Variants in PRUNE2 observed in about 807,000 individuals in gnomAD.
The protein encoded by PRUNE2 is prune homolog 2 with BCH domain.
Under a neutral mutation model 252.0 loss-of-function variants are expected in PRUNE2, and 164 were observed. That is an observed-to-expected ratio of 0.65 (90% CI 0.57 to 0.74). PRUNE2 has a LOEUF of 0.74. Among genes scored for constraint, PRUNE2 ranks in the 30% least tolerant of loss-of-function variants. The pLI is 0.00. For synonymous variants in PRUNE2, 1,292 were observed against 1,350.2 expected (o/e 0.96, Z 0.94); for missense variants, 3,495 against 3,711.0 (o/e 0.94, Z 1.51).
At chr9:76,631,787 A>G (rs1370670591) in intron 15 of PRUNE2, among the ~76,000 whole-genome samples, 1 of 152,204 alleles carries the variant, frequency 6.6e-6, no homozygotes, top group Non-Finnish European at 1.5e-5. Flanking sequence ...TGAGCATAGT[A>G]CCTGATAGGT....
chr9:76,787,763 G>T (rs1379411487), intron 6 of PRUNE2, among the ~76,000 whole-genome samples: 1 of 152,174 alleles, frequency 6.6e-6, no homozygotes, highest in Non-Finnish European at 1.5e-5. Flanking sequence ...CCTCCACGAT[G>T]CTTTCATGGT....
At chr9:76,660,988 A>C (rs1190433612) in intron 9 of PRUNE2, among the ~76,000 whole-genome samples, 1 of 151,938 alleles carries the variant, frequency 6.6e-6, no homozygotes. Context: ...AAATAGAAAA[A>C]TTAGCAATAA....
rs375833352 is a variant in PRUNE2 at position 76,799,066 on chromosome 9, C to T, written c.756+24566G>A. On this transcript the variant is annotated intron_variant, in intron 6 of 18. Coordinates refer to ENST00000376718, the MANE Select transcript of PRUNE2 (RefSeq NM_015225.3). The stretch of plus-strand genomic sequence containing the variant: ...TTAAGATCAGTGATTTTTGGCCAAA[C>T]GCGGTGGCTCACGCCTGTAATCCCA... Among the ~76,000 whole-genome samples the T allele has an allele frequency of 9.2e-5, 14 of 152,278 alleles. No homozygotes were observed. The South Asian group carries it at 1.7e-3, about 18-fold the overall frequency.
chr9:76,744,246 T>G (rs1227290855), intron 6 of PRUNE2, among the ~76,000 whole-genome samples: 1 of 152,160 alleles, frequency 6.6e-6, no homozygotes, highest in East Asian at 1.9e-4. Context: ...AAGATTTAAA[T>G]TAGACAAACC....
chr9:76,830,289 A>T (rs1175220874), intron 4 of PRUNE2, among the ~76,000 whole-genome samples: 1 of 152,254 alleles, frequency 6.6e-6, no homozygotes, highest in Non-Finnish European at 1.5e-5. Flanking sequence ...AGCTGTAGCA[A>T]TATTTGAAAA....
intron 15 of PRUNE2, among the ~76,000 whole-genome samples, chr9:76,635,005 C>T (rs960556396): frequency 2.6e-5 from 4 of 152,136 alleles, no homozygotes; most frequent in African/African-American, 9.7e-5. Flanking sequence ...CACAGTCTCA[C>T]TCTGTTGCCC....
At chr9:76,616,047 C>T (rs1303228614) in intron 18 of PRUNE2, among the ~76,000 whole-genome samples, 2 of 113,042 alleles carry the variant, frequency 1.8e-5, no homozygotes, top group South Asian at 2.9e-4. Context: ...GGATTACAGG[C>T]ATGAGCCAGC....
At chr9:76,703,040 A>G (rs1032659894) in intron 9 of PRUNE2, among the ~76,000 whole-genome samples, 4 of 152,100 alleles carry the variant, frequency 2.6e-5, no homozygotes. Flanking sequence ...ACTTCCTTGT[A>G]TTCCCAACTG....
intron 11 of PRUNE2, among the ~76,000 whole-genome samples, chr9:76,646,958 C>G (rs1035470626): frequency 1.3e-5 from 2 of 152,072 alleles, no homozygotes; most frequent in East Asian, 3.9e-4. Flanking sequence ...AAGGCCAAGG[C>G]AGGTGGATCA....
intron 9 of PRUNE2, among the ~76,000 whole-genome samples, chr9:76,678,026 T>G (rs1243339025): frequency 2.0e-5 from 3 of 152,148 alleles, no homozygotes; most frequent in African/African-American, 7.2e-5. Context: ...CACAGATCTA[T>G]GCCAAAAGGC....
At chr9:76,905,131 T>C (rs893648953) in intron 1 of PRUNE2, among the ~76,000 whole-genome samples, 19 of 152,188 alleles carry the variant, frequency 1.2e-4, no homozygotes, top group African/African-American at 4.3e-4. Flanking sequence ...ATTTCCATTA[T>C]GTTTATTACT....
chr9:76,669,466 C>A (rs151298299), intron 9 of PRUNE2, among the ~76,000 whole-genome samples: 9 of 152,064 alleles, frequency 5.9e-5, no homozygotes, highest in African/African-American at 1.7e-4. Context: ...ATCACAGCTG[C>A]GGGCCACCAC....
At chr9:76,670,902 A>G (rs1184545954) in intron 9 of PRUNE2, among the ~76,000 whole-genome samples, 3 of 152,040 alleles carry the variant, frequency 2.0e-5, no homozygotes, top group Non-Finnish European at 1.5e-5. Flanking sequence ...ACCCATCTGT[A>G]CATCACCATC....
intron 6 of PRUNE2, among the ~76,000 whole-genome samples, chr9:76,814,140 G>A (rs1289336175): frequency 6.6e-6 from 1 of 152,188 alleles, no homozygotes; most frequent in Non-Finnish European, 1.5e-5. Flanking sequence ...CTTCATATCA[G>A]TAATATGTAA....
intron 6 of PRUNE2, among the ~76,000 whole-genome samples, chr9:76,804,954 G>T (rs924146723): frequency 6.6e-6 from 1 of 152,178 alleles, no homozygotes; most frequent in Non-Finnish European, 1.5e-5. Flanking sequence ...GGATACAGTG[G>T]CTCACGCCTG....
chr9:76,865,274 C>G (rs1049031471), intron 1 of PRUNE2, among the ~76,000 whole-genome samples: 6 of 152,192 alleles, frequency 3.9e-5, no homozygotes, highest in Non-Finnish European at 7.4e-5. Context: ...AGGAGGACTG[C>G]TTGAGGTCAG....
rs2048866072 is a variant in PRUNE2, at chr9:76,734,030, A to G, written c.757-20309T>C. 2.6e-5 allele frequency among the ~76,000 whole-genome samples: 4 copies of G among 151,988 alleles called. No individual in the cohort carries two copies. The South Asian group carries it at 8.3e-4, about 32-fold the overall frequency. On this transcript the variant is annotated intron_variant, in intron 6 of 18. Coordinates refer to ENST00000376718, the MANE Select transcript of PRUNE2 (RefSeq NM_015225.3). ...GAACAGTGTTTACTGAATGCCTTCT[A>G]TGTAGGGGATTCAGGTTATTCAATG...
At chr9:76,683,958 T>TAC (rs2043789785) in intron 9 of PRUNE2, among the ~76,000 whole-genome samples, 1 of 151,134 alleles carries the variant, frequency 6.6e-6, no homozygotes, top group Admixed American at 6.6e-5. Flanking sequence ...TATATATATA[T>TAC]ACACATATAT....
chr9:76,806,329 T>C (rs962528492), intron 6 of PRUNE2, among the ~76,000 whole-genome samples: 1 of 152,192 alleles, frequency 6.6e-6, no homozygotes, highest in Non-Finnish European at 1.5e-5. Flanking sequence ...ACAATTTGGA[T>C]GTTTCTTCAG....
Sources: allele counts gnomAD v4.1 joint callset (sites outside exome capture counted in the v4.1 genomes callset), GRCh38; gene constraint gnomAD v4.1.1; transcripts MANE v1.5; gene names NCBI Gene and HGNC (gene_info 2026-07-23, HGNC 2026-07-21).